GRK1: variants seen among roughly 807,000 people sequenced by gnomAD.
GRK1 encodes rhodopsin kinase GRK1.
GRK1 carries 28 observed loss-of-function variants against 41.7 expected under a neutral mutation model. That is an observed-to-expected ratio of 0.67 (90% CI 0.50 to 0.92). The LOEUF (loss-of-function observed/expected upper bound fraction) is 0.92. GRK1 is among the 40% of genes least tolerant of loss of function. GRK1 has a pLI of 0.00. For synonymous variants in GRK1, 327 were observed against 286.7 expected (o/e 1.14, Z -1.42); for missense variants, 703 against 671.2 (o/e 1.05, Z -0.52).
At position 113,733,826 on chromosome 13, in the gene GRK1, T is replaced by C. The variant is rs531659138; in HGVS notation, c.1396+741T>C. On this transcript the variant is annotated intron_variant, in intron 6 of 6. Transcript: ENST00000335678. ...ATCTGTGTGCATACGTGTGTGCGTG[T>C]GTGTGCACGTGCGTGTGCATGTGTA... Among the ~76,000 whole-genome samples the C allele has an allele frequency of 3.7e-5, 5 of 136,800 alleles. 1 individual carries two copies. Among genetic ancestry groups the C allele is most frequent in the South Asian group, 5.3e-4 (2 of 3,766 alleles). The allele number at this position is 136,800 out of a possible 152,430, so 89.7% of individuals were successfully genotyped here. A position where few individuals can be genotyped will look rare whatever the true frequency, so the allele number is the denominator to read the frequency against.
At chr13:113,733,193 A>AC (rs1182672837) in intron 6 of GRK1, 108 bp downstream of exon 6, 3 of 1,116,132 alleles carry the variant, frequency 2.7e-6, no homozygotes, top group Non-Finnish European at 2.5e-6. Flanking sequence ...AGTGCCTCAG[A>AC]CCCCCAAGGC....
At chr13:113,664,229 A>AC (rs1221170550), upstream of GRK1, among the ~76,000 whole-genome samples, 1 of 152,068 alleles carries the variant, frequency 6.6e-6, no homozygotes, top group South Asian at 2.1e-4. The surrounding 1 kb of genome is among the most constrained non-coding windows in gnomAD (Gnocchi z 5.4). Context: ...GGCTGGGGGA[A>AC]CTTCGGTGCA....
At position 113,735,223 on chromosome 13, in the gene GRK1, T is replaced by C. The variant is rs1381712393; in HGVS notation, c.1552T>C (p.Trp518Arg). Residue 518 changes from tryptophan (W) to arginine (R), a missense_variant, in exon 7 of 7, where the codon TGG becomes CGG. Coordinates refer to ENST00000335678, the MANE Select transcript of GRK1 (RefSeq NM_002929.3). ...EFATGNCPIP[W>R]QEEMIETGIF... ...TGCCACTGGCAACTGCCCCATCCCC[T>C]GGCAGGAGGAGATGATCGAGACGGG... is the stretch of plus-strand genomic sequence containing the variant. 6.5e-6 allele frequency: 10 copies of C among 1,537,124 alleles called. No individual in the cohort carries two copies. The highest frequency in any genetic ancestry group is 8.7e-6 in the Non-Finnish European group (10 of 1,146,886).
chr13:113,666,068 C>T (rs1202686888), upstream of GRK1, among the ~76,000 whole-genome samples: 1 of 148,924 alleles, frequency 6.7e-6, no homozygotes, highest in Non-Finnish European at 1.5e-5. Flanking sequence ...TCAGCTCTCC[C>T]AGGTGTGTCC....
In GRK1 at chr13:113,735,563, C is replaced by T. The variant is rs1566701472; in HGVS notation, c.*200C>T. The T allele has an allele frequency of 5.6e-6, 3 of 531,274 alleles. No individual in the cohort carries two copies. The highest frequency in any genetic ancestry group is 6.5e-6 in the Non-Finnish European group (2 of 309,250). 32.9% of individuals were successfully genotyped at this position (531,274 alleles called of 1,614,324 possible). ...GAGCCGCCAGACGCACATGCTGGTGCCGTGAGCCCCCGACTGCATATTTCA... is the reference window on the plus strand; with the variant it reads ...GAGCCGCCAGACGCACATGCTGGTGTCGTGAGCCCCCGACTGCATATTTCA... On this transcript the variant is annotated 3_prime_UTR_variant, in exon 7 of 7. Transcript: ENST00000335678.
the GRK1 span, among the ~76,000 whole-genome samples, chr13:113,660,370 T>G: frequency 6.6e-6 from 1 of 152,168 alleles, no homozygotes; most frequent in Admixed American, 6.5e-5. Context: ...CCAACAGTCC[T>G]CAGGAGCCCA....
chr13:113,732,980 C>A lies in GRK1; in HGVS notation c.1291C>A (p.Leu431Met), dbSNP rs1334762666. 5.9e-6 allele frequency: 9 copies of A among 1,537,100 alleles called. No individual in the cohort carries two copies. The highest frequency in any genetic ancestry group is 7.8e-6 in the Non-Finnish European group (9 of 1,146,914). ...QASKDFCEAL[L>M]EKDPEKRLGF... is the part of the protein sequence containing the mutation. ...CAGCAAGGACTTCTGCGAGGCGCTGCTGGAGAAGGACCCGGAGAAGCGCCT... is the reference window on the plus strand; with the variant it reads ...CAGCAAGGACTTCTGCGAGGCGCTGATGGAGAAGGACCCGGAGAAGCGCCT... The change falls in exon 6 of 7, where the codon CTG becomes ATG. Residue 431 changes from leucine (L) to methionine (M), a missense_variant. By Grantham distance (15) the Leu-to-Met change is conservative. Transcript: ENST00000335678.
chr13:113,733,492 T>C (rs891316715), intron 6 of GRK1, among the ~76,000 whole-genome samples: 10 of 149,910 alleles, frequency 6.7e-5, no homozygotes, highest in East Asian at 5.8e-4. Context: ...TGTGCGCGCG[T>C]GTGTGTATGT....
intron 6 of GRK1, among the ~76,000 whole-genome samples, chr13:113,733,924 GCA>G (rs1594582433): frequency 2.7e-5 from 2 of 74,506 alleles, no homozygotes; most frequent in Non-Finnish European, 6.2e-5. Context: ...GTGCGTGTGT[GCA>G]TGTGTGCATA....
upstream of GRK1, among the ~76,000 whole-genome samples, chr13:113,666,258 C>T (rs1197629681): frequency 6.9e-6 from 1 of 145,724 alleles, no homozygotes; most frequent in African/African-American, 2.6e-5. Context: ...TCCCAGCTGT[C>T]CCAAGTGTGT....
intron 4 of GRK1, among the ~76,000 whole-genome samples, chr13:113,727,536 C>T (rs1594576034): frequency 2.0e-5 from 3 of 152,088 alleles, no homozygotes; most frequent in African/African-American, 4.8e-5. Flanking sequence ...ATCATGAGTA[C>T]CCATGGCAAT....
Position 113,671,937 on chromosome 13 carries a change from TCTC to T in GRK1, c.985+282_985+284del. The stretch of plus-strand genomic sequence containing the variant: ...GAATGAGGCGTCACACAGGGATTCT[TCTC>T]AGAAATAAACACGAGGGTTTAGGCT... On this transcript the variant is annotated intron_variant, in intron 3 of 6. Transcript: ENST00000335678. This position sits in a 1 kb window ranked among gnomAD's most constrained non-coding sequence, Gnocchi z 4.1. Among the ~76,000 whole-genome samples the T allele has an allele frequency of 6.6e-6, 1 of 152,120 alleles. No homozygotes were observed. Among genetic ancestry groups the T allele is most frequent in the Non-Finnish European group, 1.5e-5 (1 of 67,982 alleles).
At chr13:113,670,647 G>A (rs934998086) in intron 2 of GRK1, among the ~76,000 whole-genome samples, 1 of 151,430 alleles carries the variant, frequency 6.6e-6, no homozygotes, top group Non-Finnish European at 1.5e-5. Flanking sequence ...AGGGGGCACT[G>A]GGAAGCGCAG....
At chr13:113,648,868 T>A in the GRK1 span, 1 of 152,270 alleles carries the variant, frequency 6.6e-6, no homozygotes, top group African/African-American at 2.4e-5. Flanking sequence ...TTTCTTTTTT[T>A]ACATACAATA....
At chr13:113,652,192 G>A in the GRK1 span, among the ~76,000 whole-genome samples, 11 of 152,314 alleles carry the variant, frequency 7.2e-5, no homozygotes, top group East Asian at 7.7e-4. Flanking sequence ...GCTGTGCTCC[G>A]AGGGTGGCAG....
At chr13:113,651,643 G>C in the GRK1 span, 2 of 1,582,954 alleles carry the variant, frequency 1.3e-6, no homozygotes, top group Non-Finnish European at 8.6e-7. Context: ...TCCTGGGGCA[G>C]CCCTGCCCGC....
chr13:113,669,607 C>G, intron 1 of GRK1, 80 bp from the exon 2 acceptor site: 2 of 1,570,346 alleles, frequency 1.3e-6, no homozygotes, highest in Non-Finnish European at 1.7e-6. Context: ...GTGGGCGTGG[C>G]CGGGTGCACA....
chr13:113,662,044 C>T, the GRK1 span, among the ~76,000 whole-genome samples: 1 of 152,090 alleles, frequency 6.6e-6, no homozygotes, highest in Admixed American at 6.5e-5. Context: ...GATCAATATC[C>T]CTCATGAATA....
the GRK1 span, among the ~76,000 whole-genome samples, chr13:113,658,794 G>A: frequency 3.3e-5 from 5 of 152,306 alleles, no homozygotes; most frequent in Non-Finnish European, 5.9e-5. Flanking sequence ...CAGTGGCACC[G>A]AGGGCCCTTT....
Sources: gnomAD v4.1 joint callset for allele counts (sites outside exome capture counted in the v4.1 genomes callset) on GRCh38, gnomAD v4.1.1 for gene constraint, Gnocchi (gnomAD v3.1) non-coding constraint, MANE v1.5 for transcripts, NCBI Gene and HGNC (gene_info 2026-07-23, HGNC 2026-07-21) for gene names.